ANKS1B: variants seen among roughly 807,000 people sequenced by gnomAD.
The protein encoded by ANKS1B is ankyrin repeat and sterile alpha motif domain containing 1B.
In ANKS1B, 36 loss-of-function variants were observed where a neutral mutation model predicts 148.3. That is an observed-to-expected ratio of 0.24 (90% CI 0.19 to 0.32). ANKS1B has a LOEUF of 0.32. ANKS1B is among the 10% of genes least tolerant of loss of function. The pLI is 1.00. For synonymous variants in ANKS1B, 542 were observed against 560.8 expected (o/e 0.97, Z 0.47); for missense variants, 1,157 against 1,542.6 (o/e 0.75, Z 4.19).
rs150425493 is a variant in ANKS1B, at chr12:99,455,287, G to C, written c.1439-11478C>G. 2.4e-3 allele frequency among the ~76,000 whole-genome samples: 370 copies of C among 152,280 alleles called. 1 individual carries two copies. Among genetic ancestry groups the C allele is most frequent in the African/African-American group, 8.6e-3 (359 of 41,552 alleles). On this transcript the variant is annotated intron_variant, in intron 10 of 26. Coordinates refer to ENST00000683438, the MANE Select transcript of ANKS1B (RefSeq NM_001352186.2). ...TGAAAGGAAGTTAGAAAATGAACCT[G>C]CTGAGAGTAAAGGGGGAAAAAGGTG... is the stretch of plus-strand genomic sequence containing the variant.
At chr12:99,806,766 A>G in intron 3 of ANKS1B, 66 bp from the exon 4 acceptor site, 1 of 1,459,218 alleles carries the variant, frequency 6.9e-7, no homozygotes, top group Non-Finnish European at 9.4e-7. Flanking sequence ...ATCTTAACAC[A>G]GTAATTTAAA....
At chr12:99,157,807 A>C (rs2076232310) in intron 14 of ANKS1B, among the ~76,000 whole-genome samples, 1 of 152,176 alleles carries the variant, frequency 6.6e-6, no homozygotes, top group East Asian at 1.9e-4. Flanking sequence ...TAGAGCAATA[A>C]AAATAAATAA....
At chr12:98,833,731 C>T (rs1005698075) in intron 17 of ANKS1B, among the ~76,000 whole-genome samples, 12 of 152,034 alleles carry the variant, frequency 7.9e-5, no homozygotes, top group Admixed American at 3.3e-4. Context: ...AGTTTCTCAG[C>T]CCTTCTTCCC....
chr12:99,150,277 A>G (rs1480886962), intron 15 of ANKS1B, among the ~76,000 whole-genome samples: 1 of 152,220 alleles, frequency 6.6e-6, no homozygotes, highest in Non-Finnish European at 1.5e-5. Context: ...CTGAATACAC[A>G]GAACTTGGAC....
intron 14 of ANKS1B, among the ~76,000 whole-genome samples, chr12:99,190,916 A>G (rs1289508511): frequency 6.6e-6 from 1 of 152,194 alleles, no homozygotes; most frequent in Non-Finnish European, 1.5e-5. Flanking sequence ...CAACCTACAG[A>G]ATGGGAGAAA....
intron 12 of ANKS1B, among the ~76,000 whole-genome samples, chr12:99,391,371 G>A (rs1452774870): frequency 6.6e-6 from 1 of 152,176 alleles, no homozygotes; most frequent in Non-Finnish European, 1.5e-5. Flanking sequence ...TTCAACTGCT[G>A]TCATTTCTCT....
chr12:99,024,018 C>T (rs1031200395), intron 17 of ANKS1B, among the ~76,000 whole-genome samples: 2 of 150,684 alleles, frequency 1.3e-5, no homozygotes, highest in Non-Finnish European at 3.0e-5. Context: ...TTTGTTTTTA[C>T]TTGCAGTGCC....
At chr12:98,735,975 G>A (rs1469887454) in intron 9 of ANKS1B, among the ~76,000 whole-genome samples, 2 of 152,166 alleles carry the variant, frequency 1.3e-5, no homozygotes, top group African/African-American at 4.8e-5. Context: ...GATACAGCAG[G>A]TGCAGACTCC....
intron 10 of ANKS1B, among the ~76,000 whole-genome samples, chr12:99,459,251 G>A (rs1016102480): frequency 3.3e-5 from 5 of 151,706 alleles, no homozygotes; most frequent in African/African-American, 1.2e-4. Context: ...TAGCATAAAG[G>A]TCATTCGTTA....
intron 12 of ANKS1B, among the ~76,000 whole-genome samples, chr12:99,318,986 T>G (rs1428580252): frequency 6.6e-6 from 1 of 152,160 alleles, no homozygotes; most frequent in South Asian, 2.1e-4. Context: ...CGGTTTTGAG[T>G]GAGTTTCTTA....
Position 99,984,849 on chromosome 12 carries a change from C to G in ANKS1B, c.-612G>C, listed in dbSNP as rs2095754813. ...AGCCGCAGCGGGCGCGTGCCGAGGG[C>G]GGCGGCGGCGGCGAGGCCTGGCGCG... On this transcript the variant is annotated 5_prime_UTR_variant, in exon 1 of 27. Coordinates refer to ENST00000683438, the MANE Select transcript of ANKS1B (RefSeq NM_001352186.2). 6.8e-6 allele frequency among the ~76,000 whole-genome samples: 1 copy of G among 146,338 alleles called. No homozygotes were observed. The highest frequency in any genetic ancestry group is 2.0e-4 in the East Asian group (1 of 5,090).
At chr12:99,253,813 A>G (rs1488874527) in intron 12 of ANKS1B, among the ~76,000 whole-genome samples, 1 of 152,252 alleles carries the variant, frequency 6.6e-6, no homozygotes, top group African/African-American at 2.4e-5. Flanking sequence ...AAAGTGAACA[A>G]TATCAGTAAT....
At chr12:98,919,587 C>T (rs1320615109) in intron 17 of ANKS1B, among the ~76,000 whole-genome samples, 2 of 152,212 alleles carry the variant, frequency 1.3e-5, no homozygotes, top group African/African-American at 4.8e-5. Context: ...ACTGTACCTC[C>T]TTAACCCTAA....
At chr12:99,385,708 A>T (rs2093832070) in intron 12 of ANKS1B, among the ~76,000 whole-genome samples, 1 of 152,238 alleles carries the variant, frequency 6.6e-6, no homozygotes, top group East Asian at 1.9e-4. Flanking sequence ...AACTAATAAT[A>T]GAAATAAAAC....
intron 1 of ANKS1B, among the ~76,000 whole-genome samples, chr12:99,909,443 T>A (rs2093921387): frequency 1.3e-5 from 2 of 152,142 alleles, no homozygotes; most frequent in Non-Finnish European, 2.9e-5. Flanking sequence ...TATATTGTAG[T>A]CTTATTTTTA....
At chr12:99,507,674 G>A (rs1047499021) in intron 9 of ANKS1B, among the ~76,000 whole-genome samples, 1 of 151,828 alleles carries the variant, frequency 6.6e-6, no homozygotes, top group African/African-American at 2.4e-5. Context: ...GCTTCCTTAG[G>A]GAAGGTGAGG....
chr12:99,904,844 A>G (rs1357809559), intron 1 of ANKS1B, among the ~76,000 whole-genome samples: 1 of 152,146 alleles, frequency 6.6e-6, no homozygotes, highest in African/African-American at 2.4e-5. Context: ...CTAAATAGCA[A>G]CTTCTGCCCC....
At chr12:99,644,344 A>T (rs2098338954) in intron 9 of ANKS1B, among the ~76,000 whole-genome samples, 1 of 152,206 alleles carries the variant, frequency 6.6e-6, no homozygotes, top group Admixed American at 6.5e-5. Flanking sequence ...ATTCTCTAAG[A>T]TCATACAAGT....
intron 14 of ANKS1B, among the ~76,000 whole-genome samples, chr12:99,223,565 G>T (rs999253908): frequency 1.3e-5 from 2 of 152,096 alleles, no homozygotes; most frequent in Non-Finnish European, 2.9e-5. Flanking sequence ...GCACTCCTAT[G>T]AGAATCTAAT....
Sources: allele counts gnomAD v4.1 joint callset (sites outside exome capture counted in the v4.1 genomes callset), GRCh38; gene constraint gnomAD v4.1.1; transcripts MANE v1.5; gene names NCBI Gene and HGNC (gene_info 2026-07-23, HGNC 2026-07-21).